Variants in ABCA13 observed in about 807,000 individuals in gnomAD.
ABCA13 encodes the protein ATP binding cassette subfamily A member 13.
A neutral mutation model predicts 478.7 loss-of-function variants in ABCA13; 476 were observed. The observed-to-expected ratio is 0.99, with a 90% CI of 0.92 to 1.07. The LOEUF is 1.07. Among genes scored for constraint, ABCA13 ranks in the 50% least tolerant of loss-of-function variants. ABCA13 has a pLI of 0.00. For synonymous variants in ABCA13, 2,252 were observed against 2,158.9 expected (o/e 1.04, Z -1.20); for missense variants, 6,060 against 5,910.6 (o/e 1.03, Z -0.83).
At chr7:48,304,021 A>G (rs936346033) in intron 23 of ABCA13, among the ~76,000 whole-genome samples, 6 of 152,262 alleles carry the variant, frequency 3.9e-5, no homozygotes, top group East Asian at 3.9e-4. Context: ...TTATATTGAC[A>G]TGGCTCATTG....
chr7:48,230,894 A>T (rs773188856), intron 7 of ABCA13, among the ~76,000 whole-genome samples: 1 of 152,134 alleles, frequency 6.6e-6, no homozygotes, highest in Non-Finnish European at 1.5e-5. Context: ...AGCACTTCCT[A>T]TGAGCCAAAC....
Position 48,229,843 on chromosome 7 carries a change from A to T in ABCA13, c.651A>T (p.Glu217Asp). Residue 217 changes from glutamate (E) to aspartate (D), a missense_variant, in exon 7 of 62, where the codon GAA becomes GAT. Physicochemically the swap from Glu to Asp is conservative, Grantham distance 45. This residue lies in a region of ABCA13 where 4,423 missense variants were observed against 4,309.1 expected (regional missense o/e 1.03). Transcript: ENST00000435803. ...GTTCTAGTTCCTTAATATCCCTAGA[A>T]GATTTAGATTGGCTTCCACTCAACC... ...QTILNSLISL[E>D]DLDWLPLNQT... 3.7e-6 allele frequency: 6 copies of T among 1,614,014 alleles called. No individual in the cohort carries two copies. The highest frequency in any genetic ancestry group is 5.1e-6 in the Non-Finnish European group (6 of 1,179,890).
chr7:48,342,944 T>G (rs1317162083), intron 29 of ABCA13, among the ~76,000 whole-genome samples: 1 of 152,162 alleles, frequency 6.6e-6, no homozygotes, highest in Non-Finnish European at 1.5e-5. Flanking sequence ...TTTTTAGCTC[T>G]CTGGTGAAAG....
At chr7:48,354,645 C>CA (rs1809606807) in intron 31 of ABCA13, among the ~76,000 whole-genome samples, 1 of 152,032 alleles carries the variant, frequency 6.6e-6, no homozygotes, top group African/African-American at 2.4e-5. Flanking sequence ...TGGGATACAG[C>CA]AATATAACTC....
chr7:48,301,762 C>T (rs1309508067), intron 23 of ABCA13, among the ~76,000 whole-genome samples: 3 of 151,936 alleles, frequency 2.0e-5, no homozygotes, highest in Non-Finnish European at 4.4e-5. Flanking sequence ...GAAGTGCACA[C>T]ACCCATCCAC....
intron 45 of ABCA13, among the ~76,000 whole-genome samples, chr7:48,473,818 T>C (rs1296225517): frequency 1.3e-5 from 2 of 152,226 alleles, no homozygotes; most frequent in African/African-American, 4.8e-5. Flanking sequence ...GTTTGTCTTT[T>C]TTCTAGAGAT....
At chr7:48,541,730 A>C (rs1833954225) in intron 55 of ABCA13, among the ~76,000 whole-genome samples, 1 of 145,896 alleles carries the variant, frequency 6.9e-6, no homozygotes, top group African/African-American at 2.4e-5. Flanking sequence ...ATATATATAC[A>C]TATAAAATAT....
At chr7:48,242,761 T>G (rs1396105721) in intron 10 of ABCA13, among the ~76,000 whole-genome samples, 1 of 152,220 alleles carries the variant, frequency 6.6e-6, no homozygotes, top group South Asian at 2.1e-4. Context: ...ATTTAAATCT[T>G]TCTGAGATTC....
At chr7:48,350,272 G>A (rs917587085) in intron 29 of ABCA13, among the ~76,000 whole-genome samples, 6 of 151,736 alleles carry the variant, frequency 4.0e-5, no homozygotes, top group Non-Finnish European at 8.8e-5. Flanking sequence ...CTCCAGGTTG[G>A]AACTTTTTTT....
intron 30 of ABCA13, among the ~76,000 whole-genome samples, chr7:48,351,297 C>G (rs1808946830): frequency 1.3e-5 from 2 of 152,176 alleles, no homozygotes; most frequent in South Asian, 2.1e-4. Flanking sequence ...TGGTGGTGCT[C>G]TCATATTCTT....
chr7:48,547,271 C>G (rs1784903832), intron 55 of ABCA13, among the ~76,000 whole-genome samples: 1 of 151,886 alleles, frequency 6.6e-6, no homozygotes, highest in Non-Finnish European at 1.5e-5. Flanking sequence ...TTGTATTCCA[C>G]TGGTTTTCTA....
Position 48,257,886 on chromosome 7 carries a change from GTTC to G in ABCA13, c.2005+8541_2005+8543del, listed in dbSNP as rs1419890836. Among the ~76,000 whole-genome samples, 3 of 152,036 alleles carry G rather than the reference GTTC, an allele frequency of 2.0e-5. No homozygotes were observed. In the East Asian group the frequency reaches 5.8e-4, roughly 29 times the overall value. On this transcript the variant is annotated intron_variant, in intron 15 of 61. Transcript: ENST00000435803. ...ATTAGTTTCAGTAGGGATGGTATCA[GTTC>G]TTCTTTATACATTTGGTAGAATTCA... is the stretch of plus-strand genomic sequence containing the variant.
intron 5 of ABCA13, among the ~76,000 whole-genome samples, chr7:48,224,597 G>GT (rs1212951631): frequency 2.6e-5 from 4 of 151,924 alleles, no homozygotes; most frequent in African/African-American, 7.3e-5. Context: ...TCAATATGTT[G>GT]TTTTTTTACC....
At chr7:48,249,143 T>G in intron 14 of ABCA13, 69 bp from the exon 15 acceptor site, 1 of 1,425,186 alleles carries the variant, frequency 7.0e-7, no homozygotes, top group East Asian at 2.3e-5. Flanking sequence ...TTAGAAAAAT[T>G]TATAATGATC....
intron 60 of ABCA13, 65 bp downstream of exon 60, chr7:48,643,458 C>A: frequency 7.2e-7 from 1 of 1,388,004 alleles, no homozygotes; most frequent in Non-Finnish European, 1.0e-6. Flanking sequence ...ATGTACCTGT[C>A]TTTTTTTGTT....
chr7:48,457,279 A>G (rs898307239), intron 43 of ABCA13, among the ~76,000 whole-genome samples: 3 of 151,984 alleles, frequency 2.0e-5, no homozygotes, highest in African/African-American at 7.2e-5. Context: ...CATCATCTAT[A>G]TATATATAAG....
chr7:48,364,117 AG>A (rs78639972), intron 31 of ABCA13, among the ~76,000 whole-genome samples: 18,158 of 152,114 alleles, frequency 0.12, 1,276 homozygotes, highest in East Asian at 0.31. Context: ...GGTGAGGACC[AG>A]GTGCCATTAA....
intron 6 of ABCA13, among the ~76,000 whole-genome samples, chr7:48,228,032 A>G (rs981841781): frequency 6.6e-6 from 1 of 152,242 alleles, no homozygotes; most frequent in Non-Finnish European, 1.5e-5. Context: ...CTTAATCAGC[A>G]TGGCCCTCTT....
intron 1 of ABCA13, among the ~76,000 whole-genome samples, chr7:48,176,174 T>C (rs1183527575): frequency 6.6e-6 from 1 of 152,186 alleles, no homozygotes; most frequent in African/African-American, 2.4e-5. Flanking sequence ...CTCAGTCCTT[T>C]CCTTCCCCGC....
Sources: gnomAD v4.1 joint callset for allele counts (sites outside exome capture counted in the v4.1 genomes callset) on GRCh38, gnomAD v4.1.1 for gene constraint, gnomAD v4.1.1 regional missense constraint, MANE v1.5 for transcripts, NCBI Gene and HGNC (gene_info 2026-07-23, HGNC 2026-07-21) for gene names.